The following OFD1 variants were observed in gnomAD, a reference collection of about 807,000 sequenced individuals.
The protein encoded by OFD1 is centriole and centriolar satellite protein OFD1.
Under a neutral mutation model 81.4 loss-of-function variants are expected in OFD1, and 12 were observed. The observed-to-expected ratio is 0.15, with a 90% CI of 0.09 to 0.24. The LOEUF is 0.24. Ranked by LOEUF, OFD1 falls within the 10% of genes least tolerant of loss-of-function variation. The probability of loss-of-function intolerance (pLI) is 1.00; values close to 1 mark genes in which losing one functional copy is unlikely to be tolerated. For missense variants in OFD1, 685 were observed against 733.9 expected (o/e 0.93, Z 0.77); for synonymous variants, 256 against 263.7 (o/e 0.97, Z 0.28).
Position 13,744,505 on chromosome X carries a change from A to T in OFD1, c.503A>T (p.Asn168Ile), listed in dbSNP as rs780064168. ...NMETQTSSTF[N>I]RDSLAEKLQL... is the part of the protein sequence containing the mutation. Reference sequence around the variant, plus strand: ...GAAACTCAGACAAGTTCGACATTTAACAGAGATTCTCTGGGTAATTATAGC... The same window carrying T: ...GAAACTCAGACAAGTTCGACATTTATCAGAGATTCTCTGGGTAATTATAGC... Residue 168 changes from asparagine to isoleucine, a missense_variant, in exon 6 of 23, where the codon AAC (asparagine) becomes ATC (isoleucine). By Grantham distance (149) the Asn-to-Ile change is moderately radical. Around this residue, in one of 3 missense-constraint regions of OFD1, gnomAD observed 414 missense variants for 447.2 expected, o/e 0.93. Coordinates refer to ENST00000340096, the MANE Select transcript of OFD1 (RefSeq NM_003611.3). 10 of 1,126,379 alleles carry T rather than the reference A, an allele frequency of 8.9e-6. No homozygotes were observed. The South Asian group carries it at 1.8e-4, about 20-fold the overall frequency. The allele number at this position is 1,126,379 out of a possible 1,213,427, so 92.8% of individuals were successfully genotyped here.
intron 17 of OFD1, 52 bp from the exon 18 acceptor site, chrX:13,762,292 C>A: frequency 1.2e-6 from 1 of 810,913 alleles, no homozygotes; most frequent in Non-Finnish European, 1.9e-6. Context: ...TCACCTTGTA[C>A]TCTTTGGTTT....
chrX:13,754,958 C>G (rs897554114), intron 11 of OFD1, among the ~76,000 whole-genome samples, 193 bp from the exon 12 acceptor site: 4 of 112,566 alleles, frequency 3.6e-5, no homozygotes, highest in Admixed American at 9.3e-5. Context: ...TGGAATTTCA[C>G]CACATATATG....
chrX:13,735,185 C>CT (rs1267701569), intron 1 of OFD1, 63 bp from the exon 2 acceptor site: 13 of 1,192,145 alleles, frequency 1.1e-5, no homozygotes, highest in African/African-American at 1.7e-5. Flanking sequence ...GGCCACTGGT[C>CT]TGTTTTCAGA....
chrX:13,752,560 A>G (rs982028754), intron 10 of OFD1: 1 of 383,076 alleles, frequency 2.6e-6, no homozygotes, highest in Non-Finnish European at 3.9e-6. Context: ...TTTTACCCAC[A>G]TCTTCTATGT....
the OFD1 span, chrX:13,720,539 T>C: frequency 1.8e-5 from 2 of 112,651 alleles, no homozygotes; most frequent in African/African-American, 6.5e-5. Flanking sequence ...GCAGACTGCG[T>C]GTGCTGTATT....
rs370879385 is a variant in OFD1 at position 13,746,351 on chromosome X, G to A, written c.550G>A (p.Ala184Thr). 8.3e-7 allele frequency: 1 copy of A among 1,202,483 alleles called. No individual in the cohort carries two copies. Among genetic ancestry groups the A allele is most frequent in the African/African-American group, 1.7e-5 (1 of 57,184 alleles). The change falls in exon 7 of 23, where the codon GCA (alanine) becomes ACA (threonine). Residue 184 changes from alanine (A) to threonine (T), a missense_variant. Physicochemically the swap from Ala to Thr is moderately conservative, Grantham distance 58 (BLOSUM62 0). Coordinates refer to ENST00000340096, the MANE Select transcript of OFD1 (RefSeq NM_003611.3). Reference sequence around the variant, plus strand: ...GCTTCAGCTTATTGATGATCAGTTTGCAGATGCTTACCCTCAGCGTATCAA... The same window carrying A: ...GCTTCAGCTTATTGATGATCAGTTTACAGATGCTTACCCTCAGCGTATCAA... The part of the protein sequence containing the change: ...EKLQLIDDQF[A>T]DAYPQRIKFE...
the OFD1 span, among the ~76,000 whole-genome samples, chrX:13,728,863 G>C: frequency 8.9e-6 from 1 of 112,143 alleles, no homozygotes; most frequent in East Asian, 2.8e-4. Context: ...CATGGTCTCA[G>C]TCCAAAATCT....
chrX:13,723,663 C>A, the OFD1 span, among the ~76,000 whole-genome samples: 1 of 111,621 alleles, frequency 9.0e-6, no homozygotes. Flanking sequence ...TTTGAAGCAT[C>A]TCCAAGAGAG....
At chrX:13,758,254 A>T (rs1156378508) in intron 14 of OFD1, 83 bp from the exon 15 acceptor site, 4 of 676,266 alleles carry the variant, frequency 5.9e-6, no homozygotes, top group Non-Finnish European at 9.5e-6. Flanking sequence ...AAAGAGTACA[A>T]ACATGATAAG....
rs1569102409 is a variant in OFD1, at chrX:13,736,593, C to T, written c.227C>T (p.Ser76Phe). 5.8e-6 allele frequency: 7 copies of T among 1,207,199 alleles called. No homozygotes were observed. Among genetic ancestry groups the T allele is most frequent in the Non-Finnish European group, 7.9e-6 (7 of 891,324 alleles). The change falls in exon 3 of 23, where the codon TCT becomes TTT. Residue 76 changes from serine to phenylalanine, a missense_variant. Transcript: ENST00000340096. ...TCCCTCTTAATAGGCGCCTCTAACT[C>T]TTTAGTGGCAGATCACTTACAAAGA... ...GSSLLIGASN[S>F]LVADHLQRCG...
At chrX:13,716,392 A>G in the OFD1 span, 268 of 770,531 alleles carry the variant, frequency 3.5e-4, 1 homozygote, top group East Asian at 7.5e-3. Flanking sequence ...TAAAAAAAGA[A>G]AAGTAGCCCC....
chrX:13,719,267 A>G, the OFD1 span, among the ~76,000 whole-genome samples: 3 of 109,808 alleles, frequency 2.7e-5, no homozygotes, highest in Non-Finnish European at 5.7e-5. Context: ...AAAATACTCT[A>G]TGGGTCTGAA....
chrX:13,722,776 A>G, the OFD1 span, among the ~76,000 whole-genome samples: 1 of 112,092 alleles, frequency 8.9e-6, no homozygotes, highest in African/African-American at 3.2e-5. Context: ...AAATGTGGCT[A>G]GTGTAGGCCA....
chrX:13,731,774 CTT>C (rs1214524949), upstream of OFD1, among the ~76,000 whole-genome samples: 1 of 112,069 alleles, frequency 8.9e-6, no homozygotes, highest in African/African-American at 3.2e-5. Context: ...TCTAGTAAGG[CTT>C]TGAGGTTGAC....
chrX:13,714,789 C>T, the OFD1 span, among the ~76,000 whole-genome samples: 1 of 111,942 alleles, frequency 8.9e-6, no homozygotes, highest in Non-Finnish European at 1.9e-5. Flanking sequence ...GTGTGAAATA[C>T]TCATATTCAT....
the OFD1 span, among the ~76,000 whole-genome samples, chrX:13,726,057 G>A: frequency 2.7e-5 from 3 of 111,414 alleles, no homozygotes; most frequent in Non-Finnish European, 5.7e-5. Flanking sequence ...CAAGGTTAGA[G>A]AAAAAAGAAT....
chrX:13,759,575 A>G (rs2047848230), intron 15 of OFD1, among the ~76,000 whole-genome samples: 1 of 111,807 alleles, frequency 8.9e-6, no homozygotes, highest in Non-Finnish European at 1.9e-5. Flanking sequence ...GGGAGCAGTG[A>G]GAGTTTCTTG....
chrX:13,728,700 A>G, the OFD1 span, among the ~76,000 whole-genome samples: 42 of 112,336 alleles, frequency 3.7e-4, 1 homozygote, highest in African/African-American at 1.3e-3. Context: ...CAAGACAAGG[A>G]TGCCCTCTCT....
the OFD1 span, among the ~76,000 whole-genome samples, chrX:13,718,127 G>A: frequency 4.4e-5 from 5 of 112,413 alleles, no homozygotes; most frequent in Non-Finnish European, 9.4e-5. Flanking sequence ...CCTCAGAACT[G>A]AGACAATAAA....
Sources: allele counts gnomAD v4.1 joint callset (sites outside exome capture counted in the v4.1 genomes callset), GRCh38; gene constraint gnomAD v4.1.1; regional missense constraint gnomAD v4.1.1; transcripts MANE v1.5; gene names NCBI Gene and HGNC (gene_info 2026-07-23, HGNC 2026-07-21).